MYO9B: variants seen among roughly 807,000 people sequenced by gnomAD.
MYO9B encodes the protein unconventional myosin-IXb.
Under a neutral mutation model 229.5 loss-of-function variants are expected in MYO9B, and 71 were observed. The observed-to-expected ratio is 0.31, with a 90% CI of 0.26 to 0.38. MYO9B has a LOEUF of 0.38. MYO9B is among the 10% of genes least tolerant of loss of function. MYO9B has a pLI of 1.00. For synonymous variants in MYO9B, 1,185 were observed against 1,235.8 expected (o/e 0.96, Z 0.86); for missense variants, 2,255 against 2,920.5 (o/e 0.77, Z 5.25).
At chr19:17,169,795 T>TCGC in intron 11 of MYO9B, among the ~76,000 whole-genome samples, 1 of 127,028 alleles carries the variant, frequency 7.9e-6, no homozygotes, top group Non-Finnish European at 1.6e-5. Flanking sequence ...CTCAATCCTG[T>TCGC]CTCCTCCTTT....
intron 18 of MYO9B, 92 bp downstream of exon 18, chr19:17,186,093 G>A: frequency 8.7e-7 from 1 of 1,154,958 alleles, no homozygotes; most frequent in Non-Finnish European, 1.3e-6. Context: ...CCTCCACGCA[G>A]TATGGGGGAC....
At chr19:17,136,222 G>T (rs188626143) in intron 2 of MYO9B, among the ~76,000 whole-genome samples, 194 of 152,274 alleles carry the variant, frequency 1.3e-3, no homozygotes, top group African/African-American at 4.3e-3. Context: ...GAGCAAGGAG[G>T]AGGGCCTAGG....
chr19:17,185,097 C>G, intron 17 of MYO9B, 110 bp downstream of exon 17: 1 of 1,507,102 alleles, frequency 6.6e-7, no homozygotes, highest in South Asian at 1.2e-5. Context: ...AAAAATTGGC[C>G]GGGCGCGGTG....
chr19:17,192,617 TA>T, intron 20 of MYO9B, 128 bp from the exon 21 acceptor site: 1 of 570,396 alleles, frequency 1.8e-6, no homozygotes, highest in Non-Finnish European at 2.7e-6. Context: ...AATAAATAAA[TA>T]AATAAAGCCC....
At chr19:17,161,542 A>AC (rs2072602099) in intron 8 of MYO9B, among the ~76,000 whole-genome samples, 1 of 152,068 alleles carries the variant, frequency 6.6e-6, no homozygotes, top group Non-Finnish European at 1.5e-5. Context: ...AAGGCCAGGC[A>AC]CGGTGGCTCA....
At chr19:17,117,086 ACACCCCTGC>A (rs2057911871) in intron 2 of MYO9B, among the ~76,000 whole-genome samples, 1 of 152,098 alleles carries the variant, frequency 6.6e-6, no homozygotes, top group Non-Finnish European at 1.5e-5. Flanking sequence ...AAGGTCTGGG[ACACCCCTGC>A]CACAGCCCTG....
chr19:17,140,672 G>A (rs1396243615), intron 2 of MYO9B, among the ~76,000 whole-genome samples: 2 of 151,542 alleles, frequency 1.3e-5, no homozygotes, highest in Non-Finnish European at 2.9e-5. Context: ...ATTTTTAGTA[G>A]AGACAGGGTT....
Position 17,203,186 on chromosome 19 carries a change from GT to G in MYO9B, c.4920del (p.Ser1641AlafsTer27). On this transcript the variant is annotated frameshift_variant, in exon 30 of 40. Transcript: ENST00000682292. LOFTEE classifies it high-confidence loss of function. ...HNGHVFASYQVSIPQSCEQCL... is the reference protein window; with the variant it reads ...HNGHVFASYQXSIPQSCEQCL... ...CGGGCACGTGTTCGCCAGCTACCAG[GT>G]TAGCATCCCGCAGTCGTGCGAGCAG... is the stretch of plus-strand genomic sequence containing the variant. 6.3e-7 allele frequency: 1 copy of G among 1,579,852 alleles called. No homozygotes were observed.
Position 17,202,248 on chromosome 19 carries a change from C to T in MYO9B, c.4781C>T (p.Ser1594Leu). The T allele has an allele frequency of 6.2e-7, 1 of 1,602,744 alleles. No individual in the cohort carries two copies. Among genetic ancestry groups the T allele is most frequent in the Admixed American group, 1.7e-5 (1 of 57,472 alleles). Residue 1594 changes from serine to leucine, a missense_variant, in exon 28 of 40, where the codon TCA becomes TTA. Ser to Leu is a moderately radical substitution (Grantham distance 145). This residue lies in a region of MYO9B where 416 missense variants were observed against 605.5 expected (regional missense o/e 0.69). Transcript: ENST00000682292. ...AACCTGGTCCTCAACCTCTTCCAGTCACTGCTAGATGAGTTCACCCGTGGC... is the reference window on the plus strand; with the variant it reads ...AACCTGGTCCTCAACCTCTTCCAGTTACTGCTAGATGAGTTCACCCGTGGC... Reference protein sequence around the residue: ...DTNLVLNLFQSLLDEFTRGYT... With the variant: ...DTNLVLNLFQLLLDEFTRGYT...
chr19:17,181,578 C>T (rs957264660), intron 15 of MYO9B, among the ~76,000 whole-genome samples: 1 of 152,192 alleles, frequency 6.6e-6, no homozygotes, highest in African/African-American at 2.4e-5. Flanking sequence ...TAATGACTCT[C>T]ATGCTTCCAT....
chr19:17,153,734 T>G (rs990907682), intron 4 of MYO9B, among the ~76,000 whole-genome samples: 2 of 151,848 alleles, frequency 1.3e-5, no homozygotes, highest in Non-Finnish European at 2.9e-5. Context: ...CATTTCTGAT[T>G]GACAAATAAG....
chr19:17,128,771 A>G (rs2072157002), intron 2 of MYO9B, among the ~76,000 whole-genome samples: 1 of 152,242 alleles, frequency 6.6e-6, no homozygotes, highest in Admixed American at 6.5e-5. Flanking sequence ...CAGGAAAGAA[A>G]TAACAGGAGG....
chr19:17,165,370 A>T (rs1011472898), intron 10 of MYO9B, among the ~76,000 whole-genome samples: 3 of 151,906 alleles, frequency 2.0e-5, no homozygotes, highest in East Asian at 1.9e-4. Context: ...AAAAAAAAAA[A>T]AATTAATTAA....
At chr19:17,207,061 G>A in intron 34 of MYO9B, 52 bp from the exon 35 acceptor site, 1 of 1,596,242 alleles carries the variant, frequency 6.3e-7, no homozygotes. Context: ...GGGCTCCCTG[G>A]TACCTCCCTC....
Position 17,211,885 on chromosome 19 carries a change from C to G in MYO9B, c.6059-10C>G, listed in dbSNP as rs760657782. ...AAGCTGCAGTAACCCTGCCATCTGT[C>G]TCTCAAAAGGGCCCCCTGCGCCTGC... On this transcript the variant is annotated splice_polypyrimidine_tract_variant and intron_variant, in intron 39 of 39. Coordinates refer to ENST00000682292, the MANE Select transcript of MYO9B (RefSeq NM_004145.4). 1.3e-6 allele frequency: 2 copies of G among 1,587,220 alleles called. No individual in the cohort carries two copies. The highest frequency in any genetic ancestry group is 2.2e-5 in the East Asian group (1 of 44,506).
Position 17,209,699 on chromosome 19 carries a change from G to T in MYO9B, c.5738G>T (p.Arg1913Leu). 6.2e-7 allele frequency: 1 copy of T among 1,613,692 alleles called. No individual in the cohort carries two copies. The highest frequency in any genetic ancestry group is 1.1e-5 in the South Asian group (1 of 91,006). The part of the protein sequence containing the change: ...SIAFRRLSLL[R>L]QNAPWPLKLG... Reference sequence around the variant, plus strand: ...GCCTTCCGCAGGCTTTCGCTCCTGCGACAAAATGCTGTGAGTACCGGTGAT... The same window carrying T: ...GCCTTCCGCAGGCTTTCGCTCCTGCTACAAAATGCTGTGAGTACCGGTGAT... Residue 1913 changes from arginine (R) to leucine (L), a missense_variant, in exon 36 of 40, where the codon CGA becomes CTA. Physicochemically the swap from Arg to Leu is moderately radical, Grantham distance 102 (BLOSUM62 -2). Around this residue, in one of 7 missense-constraint regions of MYO9B, gnomAD observed 416 missense variants for 605.5 expected, o/e 0.69. Transcript: ENST00000682292.
chr19:17,091,777 T>G (rs1446100851), intron 1 of MYO9B, among the ~76,000 whole-genome samples: 1 of 152,144 alleles, frequency 6.6e-6, no homozygotes, highest in Non-Finnish European at 1.5e-5. Flanking sequence ...CCCCCTTCCC[T>G]GCAGCCCTGG....
In MYO9B at chr19:17,191,426, G is replaced by A. The variant is rs554330298; in HGVS notation, c.2811+207G>A. ...ACCTGCTGTTCTTCAGCAGGGCTCA[G>A]CGACTCCCTCCGCGTCACCTGTTTA... On this transcript the variant is annotated intron_variant, in intron 20 of 39. Transcript: ENST00000682292. 4.1e-4 allele frequency among the ~76,000 whole-genome samples: 63 copies of A among 152,288 alleles called. 1 individual carries two copies. Among genetic ancestry groups the A allele is most frequent in the African/African-American group, 1.4e-3 (57 of 41,574 alleles).
intron 4 of MYO9B, among the ~76,000 whole-genome samples, chr19:17,153,101 C>T (rs1450476539): frequency 6.6e-6 from 1 of 152,148 alleles, no homozygotes; most frequent in African/African-American, 2.4e-5. Flanking sequence ...AGACACCACA[C>T]TTCAGCCTGG....
Sources: allele counts gnomAD v4.1 joint callset (sites outside exome capture counted in the v4.1 genomes callset), GRCh38; gene constraint gnomAD v4.1.1; regional missense constraint gnomAD v4.1.1; transcripts MANE v1.5; gene names NCBI Gene and HGNC (gene_info 2026-07-23, HGNC 2026-07-21).